Variants in TTC38 observed in about 807,000 individuals in gnomAD.
TTC38 encodes tetratricopeptide repeat protein 38.
Under a neutral mutation model 64.2 loss-of-function variants are expected in TTC38, and 64 were observed. That is an observed-to-expected ratio of 1.00 (90% confidence interval 0.81 to 1.23). The LOEUF (loss-of-function observed/expected upper bound fraction) is 1.23, where lower values mean the gene tolerates loss of function less well. Ranked by LOEUF, TTC38 falls within the 50% of genes most tolerant of loss-of-function variation. The pLI is 0.00. For synonymous variants in TTC38, 254 were observed against 249.3 expected (o/e 1.02, Z -0.18); for missense variants, 573 against 615.5 (o/e 0.93, Z 0.73).
In TTC38 at chr22:46,289,366, G is replaced by A. The variant is rs1261479755; in HGVS notation, c.1083-36G>A. ...CTGCCCTTCCCGGATGTTCTGTGAT[G>A]GGCAGGCAGCTGAGGGCACCGTCTT... On this transcript the variant is annotated intron_variant, in intron 11 of 13. Coordinates refer to ENST00000381031, the MANE Select transcript of TTC38 (RefSeq NM_017931.4). The A allele has an allele frequency of 2.5e-6, 4 of 1,596,956 alleles. No homozygotes were observed. The Admixed American group carries it at 5.1e-5, about 20-fold the overall frequency.
At chr22:46,286,522 G>T (rs2147799313) in intron 9 of TTC38, among the ~76,000 whole-genome samples, 1 of 152,212 alleles carries the variant, frequency 6.6e-6, no homozygotes, top group South Asian at 2.1e-4. Flanking sequence ...CTAGCTGCAT[G>T]TGGTGGTGGG....
Position 46,293,691 on chromosome 22 carries a change from A to G in TTC38, c.*807A>G, listed in dbSNP as rs2077633169. 1 of 152,174 alleles carries G rather than the reference A, an allele frequency of 6.6e-6. No individual in the cohort carries two copies. Among genetic ancestry groups the G allele is most frequent in the South Asian group, 2.1e-4 (1 of 4,828 alleles). The allele number at this position is 152,174 out of a possible 1,614,324, so 9.4% of individuals were successfully genotyped here. On this transcript the variant is annotated 3_prime_UTR_variant, in exon 14 of 14. Transcript: ENST00000381031. This position sits in a 1 kb window ranked among gnomAD's most constrained non-coding sequence, Gnocchi z 6.6. The stretch of plus-strand genomic sequence containing the variant: ...GCTGCTCTGTTGTGGCAAAACCCAA[A>G]GTGCTGTGATGTGTGGCTGTGACAA...
At chr22:46,289,977 C>T in intron 13 of TTC38, 78 bp downstream of exon 13, 6 of 1,326,304 alleles carry the variant, frequency 4.5e-6, no homozygotes, top group Non-Finnish European at 6.5e-6. Flanking sequence ...CTGGAAGCCC[C>T]ACCACCCTTG....
intron 5 of TTC38, among the ~76,000 whole-genome samples, chr22:46,277,169 A>G (rs1409954096): frequency 6.6e-6 from 1 of 152,032 alleles, no homozygotes; most frequent in African/African-American, 2.4e-5. Flanking sequence ...TCTTCTTGCA[A>G]AGTAATGAAG....
At chr22:46,290,988 C>T (rs1352724131) in intron 13 of TTC38, among the ~76,000 whole-genome samples, 1 of 152,208 alleles carries the variant, frequency 6.6e-6, no homozygotes, top group African/African-American at 2.4e-5. Context: ...CCCGGGTCCA[C>T]AGGAGGCCCT....
rs1047685521 is a variant in TTC38 at position 46,272,373 on chromosome 22, C to T, written c.150C>T (p.Ile50=). Residue 50 remains isoleucine, a synonymous_variant, in exon 3 of 14, where the codon ATC becomes ATT. Transcript: ENST00000381031. The surrounding 1 kb of genome is among the most constrained non-coding windows in gnomAD (Gnocchi z 6.4). ...KWTNDKSLGG[I]EGCLSKLKAA... is the part of the protein sequence containing the mutation. The stretch of plus-strand genomic sequence containing the variant: ...CCAATGACAAGAGTCTCGGTGGCAT[C>T]GAGGGCTGCCTGTCAAAGCTCAAAG... The T allele has an allele frequency of 1.4e-5, 23 of 1,613,304 alleles. No homozygotes were observed. The highest frequency in any genetic ancestry group is 8.3e-5 in the Admixed American group (5 of 59,934).
intron 8 of TTC38, 100 bp downstream of exon 8, chr22:46,284,132 C>A: frequency 1.0e-6 from 1 of 953,904 alleles, no homozygotes; most frequent in Middle Eastern, 2.2e-4. Flanking sequence ...CGTTGGAGCC[C>A]TGATGCAATG....
chr22:46,293,478 C>G lies in TTC38; in HGVS notation c.*594C>G, dbSNP rs1270209118. On this transcript the variant is annotated 3_prime_UTR_variant, in exon 14 of 14. Coordinates refer to ENST00000381031, the MANE Select transcript of TTC38 (RefSeq NM_017931.4). This position sits in a 1 kb window ranked among gnomAD's most constrained non-coding sequence, Gnocchi z 6.6. ...CCCTGCTGCTGCATCCACCACCCTT[C>G]TTACAGATCAGCGCGCACATGGGGT... 6.5e-6 allele frequency: 1 copy of G among 153,200 alleles called. No individual in the cohort carries two copies. Among genetic ancestry groups the G allele is most frequent in the African/African-American group, 2.4e-5 (1 of 41,452 alleles). The allele number at this position is 153,200 out of a possible 1,614,324, so 9.5% of individuals were successfully genotyped here.
intron 6 of TTC38, among the ~76,000 whole-genome samples, 173 bp downstream of exon 6, chr22:46,278,834 G>C (rs1005692201): frequency 3.9e-5 from 6 of 152,228 alleles, no homozygotes; most frequent in African/African-American, 1.4e-4. Context: ...CCCGCCAGGG[G>C]CTGTCATTCA....
rs1424879921 is a variant in TTC38, at chr22:46,270,468, T to G, written c.112-1867T>G. 1.3e-5 allele frequency among the ~76,000 whole-genome samples: 2 copies of G among 152,188 alleles called. No individual in the cohort carries two copies. The highest frequency in any genetic ancestry group is 2.9e-5 in the Non-Finnish European group (2 of 68,026). On this transcript the variant is annotated intron_variant, in intron 2 of 13. Coordinates refer to ENST00000381031, the MANE Select transcript of TTC38 (RefSeq NM_017931.4). The surrounding 1 kb of genome is among the most constrained non-coding windows in gnomAD (Gnocchi z 4.7). ...GCATATTTTAAAATCTAATGTGTGA[T>G]TATAGGTCTAGGACTTTTTTTAAAA...
rs1161401752 is a variant in TTC38, at chr22:46,268,162, C to T, written c.33+90C>T. On this transcript the variant is annotated intron_variant, in intron 1 of 13. Coordinates refer to ENST00000381031, the MANE Select transcript of TTC38 (RefSeq NM_017931.4). ...TGGCGGAATAACGGGAGACATGGCC[C>T]GGGCGCGGGGCGTGGGGTGAGCCCT... 9.2e-6 allele frequency: 13 copies of T among 1,420,044 alleles called. No homozygotes were observed. In the South Asian group the frequency reaches 1.1e-4, roughly 13 times the overall value. 88.0% of individuals were successfully genotyped at this position (1,420,044 alleles called of 1,614,324 possible). A position where few individuals can be genotyped will look rare whatever the true frequency, so the allele number is the denominator to read the frequency against.
Position 46,272,724 on chromosome 22 carries a change from T to C in TTC38, c.193+308T>C, listed in dbSNP as rs73886784. ...AACTGAGGGTTGGCAAGAGTAAGACTGTACTTAAAGCCACCCAGCTGGTGG... is the reference window on the plus strand; with the variant it reads ...AACTGAGGGTTGGCAAGAGTAAGACCGTACTTAAAGCCACCCAGCTGGTGG... On this transcript the variant is annotated intron_variant, in intron 3 of 13. Transcript: ENST00000381031. This position sits in a 1 kb window ranked among gnomAD's most constrained non-coding sequence, Gnocchi z 6.4. 0.012 allele frequency among the ~76,000 whole-genome samples: 1,753 copies of C among 152,294 alleles called. 33 individuals carry two copies. Among genetic ancestry groups the C allele is most frequent in the African/African-American group, 0.04 (1,666 of 41,550 alleles).
chr22:46,281,759 G>C lies in TTC38; in HGVS notation c.735+41G>C. Reference sequence around the variant, plus strand: ...ATGGGTCACCTCCCTGGGAAATTCAGTGCATCCCCTTGAGTCAGGCCAAGG... The same window carrying C: ...ATGGGTCACCTCCCTGGGAAATTCACTGCATCCCCTTGAGTCAGGCCAAGG... On this transcript the variant is annotated intron_variant, in intron 7 of 13. Coordinates refer to ENST00000381031, the MANE Select transcript of TTC38 (RefSeq NM_017931.4). The surrounding 1 kb of genome is among the most constrained non-coding windows in gnomAD (Gnocchi z 5.2). 6.2e-7 allele frequency: 1 copy of C among 1,611,812 alleles called. No individual in the cohort carries two copies. The highest frequency in any genetic ancestry group is 8.5e-7 in the Non-Finnish European group (1 of 1,179,550).
rs1189659133 is a variant in TTC38, at chr22:46,291,606, ACT to A, written c.1317-1184_1317-1183del. The stretch of plus-strand genomic sequence containing the variant: ...CACACCACCCACGCCCTCTAGAACC[ACT>A]GTTTTCAGGTGTTTGGGGGCTGTCT... On this transcript the variant is annotated intron_variant, in intron 13 of 13. Transcript: ENST00000381031. This position sits in a 1 kb window ranked among gnomAD's most constrained non-coding sequence, Gnocchi z 4.6. Among the ~76,000 whole-genome samples, 3 of 151,934 alleles carry A rather than the reference ACT, an allele frequency of 2.0e-5. No individual in the cohort carries two copies. Among genetic ancestry groups the A allele is most frequent in the Admixed American group, 6.6e-5 (1 of 15,250 alleles).
Position 46,273,671 on chromosome 22 carries a change from C to T in TTC38, c.194-227C>T, listed in dbSNP as rs1263750777. On this transcript the variant is annotated intron_variant, in intron 3 of 13. Transcript: ENST00000381031. The surrounding 1 kb of genome is among the most constrained non-coding windows in gnomAD (Gnocchi z 5.1). ...AGACACTGGCACTCAGCAGAATGCC[C>T]TCACTAGAAAAATGTTCAAGGGTGC... Among the ~76,000 whole-genome samples the T allele has an allele frequency of 6.6e-6, 1 of 152,216 alleles. No homozygotes were observed. The highest frequency in any genetic ancestry group is 1.5e-5 in the Non-Finnish European group (1 of 68,040).
At chr22:46,289,745 A>AGCAGGCAGCCC in intron 12 of TTC38, 81 bp from the exon 13 acceptor site, 1 of 1,524,612 alleles carries the variant, frequency 6.6e-7, no homozygotes, top group South Asian at 1.1e-5. Context: ...CTCCCTGGAG[A>AGCAGGCAGCCC]GCAGGCAGCC....
In TTC38 at chr22:46,281,859, G is replaced by C. The variant is rs571181437; in HGVS notation, c.735+141G>C. ...TCCTCCTCCACCTGCACCTGCCTCA[G>C]GTGTTTGGCTGCTGAGCAGAATGCA... On this transcript the variant is annotated intron_variant, in intron 7 of 13. Coordinates refer to ENST00000381031, the MANE Select transcript of TTC38 (RefSeq NM_017931.4). This position sits in a 1 kb window ranked among gnomAD's most constrained non-coding sequence, Gnocchi z 5.2. 3.1e-4 allele frequency: 353 copies of C among 1,148,918 alleles called. 2 individuals carry two copies. The African/African-American group carries it at 4.6e-3, about 15-fold the overall frequency. The allele number at this position is 1,148,918 out of a possible 1,614,324, so 71.2% of individuals were successfully genotyped here. A position where few individuals can be genotyped will look rare whatever the true frequency, so the allele number is the denominator to read the frequency against.
rs1185588386 is a variant in TTC38 at position 46,291,440 on chromosome 22, G to A, written c.1317-1351G>A. On this transcript the variant is annotated intron_variant, in intron 13 of 13. Coordinates refer to ENST00000381031, the MANE Select transcript of TTC38 (RefSeq NM_017931.4). The surrounding 1 kb of genome is among the most constrained non-coding windows in gnomAD (Gnocchi z 4.6). ...AGCCGACTGCATTAGGAGACGTGGA[G>A]GGGGCCTTCTCTCCAAGTCCTGTCC... 3.3e-5 allele frequency among the ~76,000 whole-genome samples: 5 copies of A among 152,136 alleles called. No individual in the cohort carries two copies. Among genetic ancestry groups the A allele is most frequent in the Non-Finnish European group, 7.4e-5 (5 of 68,018 alleles).
chr22:46,292,652 G>A lies in TTC38; in HGVS notation c.1317-139G>A. 2 of 740,546 alleles carry A rather than the reference G, an allele frequency of 2.7e-6. No individual in the cohort carries two copies. Among genetic ancestry groups the A allele is most frequent in the Non-Finnish European group, 4.6e-6 (2 of 433,412 alleles). The allele number at this position is 740,546 out of a possible 1,614,324, so 45.9% of individuals were successfully genotyped here. A position where few individuals can be genotyped will look rare whatever the true frequency, so the allele number is the denominator to read the frequency against. On this transcript the variant is annotated intron_variant, in intron 13 of 13. Coordinates refer to ENST00000381031, the MANE Select transcript of TTC38 (RefSeq NM_017931.4). This position sits in a 1 kb window ranked among gnomAD's most constrained non-coding sequence, Gnocchi z 6.5. Reference sequence around the variant, plus strand: ...TCCCCAAACTGAGGCCAGGCCTCCTGCCCCTGGGCCTTGGCCCTTGCTGTT... The same window carrying A: ...TCCCCAAACTGAGGCCAGGCCTCCTACCCCTGGGCCTTGGCCCTTGCTGTT...
Sources: gnomAD v4.1 joint callset for allele counts (sites outside exome capture counted in the v4.1 genomes callset) on GRCh38, gnomAD v4.1.1 for gene constraint, Gnocchi (gnomAD v3.1) non-coding constraint, MANE v1.5 for transcripts, NCBI Gene and HGNC (gene_info 2026-07-23, HGNC 2026-07-21) for gene names.